The following SMIM43 variants were observed in gnomAD, a reference collection of about 807,000 sequenced individuals.
SMIM43 encodes the protein small integral membrane protein 43.
chr4:121,761,015 C>G (rs545952150), intron 5 of SMIM43, among the ~76,000 whole-genome samples: 1 of 152,178 alleles, frequency 6.6e-6, no homozygotes, highest in South Asian at 2.1e-4. Context: ...TGGGAAGATG[C>G]TCATGACTCA....
chr4:121,759,021 T>C lies in SMIM43; in HGVS notation c.*1953A>G, dbSNP rs1346611652. On this transcript the variant is annotated 3_prime_UTR_variant, in exon 6 of 6. Coordinates refer to ENST00000643802, the MANE Select transcript of SMIM43 (RefSeq NM_001384332.1). Reference sequence around the variant, plus strand: ...TGAAAAACATACACAGAATAATCATTTAGCTGCCACAATATTACAAAAATA... The same window carrying C: ...TGAAAAACATACACAGAATAATCATCTAGCTGCCACAATATTACAAAAATA... 6.6e-6 allele frequency: 1 copy of C among 152,126 alleles called. No homozygotes were observed. Among genetic ancestry groups the C allele is most frequent in the Non-Finnish European group, 1.5e-5 (1 of 68,038 alleles). 9.4% of individuals were successfully genotyped at this position (152,126 alleles called of 1,614,324 possible).
intron 1 of SMIM43, chr4:121,764,387 C>G (rs1043206299): frequency 6.6e-6 from 1 of 152,182 alleles, no homozygotes; most frequent in East Asian, 1.9e-4. Flanking sequence ...ATATTTAAAG[C>G]AATATTTAAA....
intron 4 of SMIM43, 37 bp downstream of exon 4, chr4:121,761,793 A>C (rs1335354338): frequency 6.2e-7 from 1 of 1,611,748 alleles, no homozygotes; most frequent in Non-Finnish European, 8.5e-7. Context: ...TAAAATGGTT[A>C]TCTTGCCAAG....
chr4:121,765,322 C>T (rs1045690547), upstream of SMIM43: 7 of 349,708 alleles, frequency 2.0e-5, no homozygotes, highest in Middle Eastern at 7.3e-4. Context: ...CCAGCTGGCA[C>T]CAAAGCCTTC....
intron 5 of SMIM43, 104 bp downstream of exon 5, chr4:121,761,434 G>A: frequency 8.5e-7 from 1 of 1,172,942 alleles, no homozygotes; most frequent in South Asian, 1.8e-5. Flanking sequence ...TAAAATTTTG[G>A]TCATTTAAAA....
rs1000120367 is a variant in SMIM43 at position 121,765,057 on chromosome 4, G to A, written c.49C>T (p.Leu17=). The change falls in exon 1 of 6, where the codon CTG becomes TTG. Residue 17 remains leucine (L), a synonymous_variant. Coordinates refer to ENST00000643802, the MANE Select transcript of SMIM43 (RefSeq NM_001384332.1). ...AGCAGGAGGAAAAGTAAGAAGAGCA[G>A]GAAGAAGAAGAGCGCCAGGTAGAGC... is the stretch of plus-strand genomic sequence containing the variant. ...LLLYLALFFF[L]LFLLFLLLFV... The A allele has an allele frequency of 2.0e-5, 8 of 398,402 alleles. No homozygotes were observed. The Admixed American group carries it at 3.5e-4, about 18-fold the overall frequency. 24.7% of individuals were successfully genotyped at this position (398,402 alleles called of 1,614,324 possible). A position where few individuals can be genotyped will look rare whatever the true frequency, so the allele number is the denominator to read the frequency against.
chr4:121,760,569 ACCT>A, intron 5 of SMIM43, 95 bp from the exon 6 acceptor site: 1 of 1,430,640 alleles, frequency 7.0e-7, no homozygotes. Flanking sequence ...CCTGCCTCTA[ACCT>A]CCTTGTTCTG....
intron 5 of SMIM43, 138 bp from the exon 6 acceptor site, chr4:121,760,612 TA>T (rs1352102821): frequency 7.5e-7 from 1 of 1,331,648 alleles, no homozygotes; most frequent in Non-Finnish European, 9.7e-7. Flanking sequence ...CTAATTTATT[TA>T]AGCCGCTCTT....
chr4:121,764,662 C>T, intron 1 of SMIM43, 155 bp downstream of exon 1: 1 of 375,090 alleles, frequency 2.7e-6, no homozygotes, highest in East Asian at 3.9e-5. Flanking sequence ...AGCTTAGGGT[C>T]CCTCTCGAAG....
In SMIM43 at chr4:121,760,172, C is replaced by A; in HGVS notation, c.*802G>T. 1 of 1,442,280 alleles carries A rather than the reference C, an allele frequency of 6.9e-7. No homozygotes were observed. The allele number at this position is 1,442,280 out of a possible 1,614,324, so 89.3% of individuals were successfully genotyped here. A position where few individuals can be genotyped will look rare whatever the true frequency, so the allele number is the denominator to read the frequency against. On this transcript the variant is annotated 3_prime_UTR_variant, in exon 6 of 6. Transcript: ENST00000643802. The stretch of plus-strand genomic sequence containing the variant: ...CTTTATGCTCCTCTGCAACTGTATT[C>A]TGTAGCCAGGGCATAAAATGTTAGT...
chr4:121,765,033 G>T lies in SMIM43; in HGVS notation c.73C>A (p.Leu25Ile), dbSNP rs1726280204. The change falls in exon 1 of 6, where the codon CTC becomes ATC. Residue 25 changes from leucine (L) to isoleucine (I), a missense_variant. Leu to Ile is a conservative substitution (Grantham distance 5). Transcript: ENST00000643802. ...FFLLFLLFLL[L>I]FVVIKQLKNS... ...TTCAGCTGCTTGATGACCACGAAGAGCAGGAGGAAAAGTAAGAAGAGCAGG... is the reference window on the plus strand; with the variant it reads ...TTCAGCTGCTTGATGACCACGAAGATCAGGAGGAAAAGTAAGAAGAGCAGG... The T allele has an allele frequency of 1.0e-5, 4 of 398,624 alleles. No homozygotes were observed. Among genetic ancestry groups the T allele is most frequent in the Non-Finnish European group, 1.8e-5 (4 of 225,862 alleles). 24.7% of individuals were successfully genotyped at this position (398,624 alleles called of 1,614,324 possible). A position where few individuals can be genotyped will look rare whatever the true frequency, so the allele number is the denominator to read the frequency against.
At chr4:121,761,920 AT>A in intron 3 of SMIM43, 28 bp from the exon 4 acceptor site, 1 of 1,541,666 alleles carries the variant, frequency 6.5e-7, no homozygotes, top group Non-Finnish European at 8.9e-7. Flanking sequence ...TGATGAAATA[AT>A]AACATTTGAA....
intron 3 of SMIM43, among the ~76,000 whole-genome samples, chr4:121,762,390 A>G (rs1443127789): frequency 6.6e-6 from 1 of 152,162 alleles, no homozygotes; most frequent in East Asian, 1.9e-4. Flanking sequence ...ACAGCAAAAG[A>G]CAGCTCATCT....
Position 121,764,912 on chromosome 4 carries a change from G to C in SMIM43, c.*2C>G. On this transcript the variant is annotated 3_prime_UTR_variant, in exon 1 of 6. Transcript: ENST00000643802. ...GCCCTCCCGCCAGTGCCCGCACTCG[G>C]GTCACACCGCTTGCTCTCGGGAGAA... 2.5e-6 allele frequency: 1 copy of C among 398,384 alleles called. No individual in the cohort carries two copies. Among genetic ancestry groups the C allele is most frequent in the Non-Finnish European group, 4.4e-6 (1 of 225,620 alleles). The allele number at this position is 398,384 out of a possible 1,614,324, so 24.7% of individuals were successfully genotyped here.
At chr4:121,764,756 G>A (rs1234246542) in intron 1 of SMIM43, 61 bp downstream of exon 1, 3 of 394,688 alleles carry the variant, frequency 7.6e-6, no homozygotes, top group African/African-American at 4.1e-5. Flanking sequence ...CACAGGAGCG[G>A]AGACGCGGGT....
chr4:121,761,959 T>A, intron 3 of SMIM43, 67 bp from the exon 4 acceptor site: 1 of 1,313,468 alleles, frequency 7.6e-7, no homozygotes, highest in Non-Finnish European at 1.1e-6. Context: ...CATAATAGAA[T>A]TATGGCTCAT....
intron 1 of SMIM43, chr4:121,764,567 G>C (rs1726247979): frequency 4.4e-6 from 1 of 225,576 alleles, no homozygotes; most frequent in African/African-American, 2.3e-5. Context: ...AATGCAGTTG[G>C]ACAGAAAAGA....
intron 5 of SMIM43, 52 bp from the exon 6 acceptor site, chr4:121,760,526 A>C (rs1578475195): frequency 6.8e-7 from 1 of 1,466,328 alleles, no homozygotes; most frequent in Non-Finnish European, 9.0e-7. Flanking sequence ...TAAGCCTGAC[A>C]CCCGTGAGCT....
At position 121,759,780 on chromosome 4, in the gene SMIM43, A is replaced by C. The variant is rs1365412586; in HGVS notation, c.*1194T>G. Reference sequence around the variant, plus strand: ...TTCTTTGCGTAGATTCCCCTCCTCCATGCATGAAAGCGATGGTCTTTCTAT... The same window carrying C: ...TTCTTTGCGTAGATTCCCCTCCTCCCTGCATGAAAGCGATGGTCTTTCTAT... On this transcript the variant is annotated 3_prime_UTR_variant, in exon 6 of 6. Coordinates refer to ENST00000643802, the MANE Select transcript of SMIM43 (RefSeq NM_001384332.1). 4 of 152,262 alleles carry C rather than the reference A, an allele frequency of 2.6e-5. No individual in the cohort carries two copies. Among genetic ancestry groups the C allele is most frequent in the Non-Finnish European group, 5.9e-5 (4 of 68,090 alleles). 9.4% of individuals were successfully genotyped at this position (152,262 alleles called of 1,614,324 possible).
Sources: gnomAD v4.1 joint callset for allele counts (sites outside exome capture counted in the v4.1 genomes callset) on GRCh38, gnomAD v4.1.1 for gene constraint, MANE v1.5 for transcripts, NCBI Gene and HGNC (gene_info 2026-07-23, HGNC 2026-07-21) for gene names.